Variants in DAAM1 observed in about 807,000 individuals in gnomAD.
The protein encoded by DAAM1 is disheveled-associated activator of morphogenesis 1.
DAAM1 carries 52 observed loss-of-function variants against 130.0 expected under a neutral mutation model. The ratio of observed to expected loss-of-function variants is 0.40; its 90% CI spans 0.32 to 0.50. DAAM1 has a LOEUF of 0.50. Ranked by LOEUF, DAAM1 falls within the 20% of genes least tolerant of loss-of-function variation. The pLI, the probability that DAAM1 is intolerant of heterozygous loss-of-function variation, is 0.61. For missense variants in DAAM1, 1,134 were observed against 1,303.8 expected (o/e 0.87, Z 2.01); for synonymous variants, 452 against 444.5 (o/e 1.02, Z -0.21).
At chr14:59,345,267 G>C (rs1185325431) in intron 16 of DAAM1, among the ~76,000 whole-genome samples, 1 of 152,184 alleles carries the variant, frequency 6.6e-6, no homozygotes, top group Non-Finnish European at 1.5e-5. Context: ...ATGTTCATGA[G>C]GCAATGATTG....
At chr14:59,257,529 G>A (rs948520344) in intron 1 of DAAM1, among the ~76,000 whole-genome samples, 5 of 152,144 alleles carry the variant, frequency 3.3e-5, no homozygotes, top group African/African-American at 4.8e-5. Context: ...GGAAGACACC[G>A]CAGGCTGAGG....
intron 16 of DAAM1, among the ~76,000 whole-genome samples, chr14:59,341,604 C>CA (rs910820653): frequency 2.0e-5 from 3 of 151,730 alleles, no homozygotes; most frequent in South Asian, 2.1e-4. Context: ...TATGTATAGA[C>CA]AAAAAAAACA....
chr14:59,352,561 C>T lies in DAAM1; in HGVS notation c.2196C>T (p.Asp732=). The stretch of plus-strand genomic sequence containing the variant: ...TTGTTCCTGAAAAAAGTGACATTGA[C>T]CTATTGGAGGAACATAAACACGAAC... The part of the protein sequence containing the change: ...LKFVPEKSDI[D]LLEEHKHELD... The change falls in exon 18 of 25, where the codon GAC becomes GAT. Residue 732 remains aspartate (D), a synonymous_variant. Transcript: ENST00000360909. The T allele has an allele frequency of 6.2e-7, 1 of 1,613,280 alleles. No individual in the cohort carries two copies. Among genetic ancestry groups the T allele is most frequent in the Non-Finnish European group, 8.5e-7 (1 of 1,179,686 alleles).
In DAAM1 at chr14:59,331,434, C is replaced by T. The variant is rs144149282; in HGVS notation, c.1786C>T (p.Leu596=). The change falls in exon 14 of 25, where the codon CTA becomes TTA. Residue 596 remains leucine, a synonymous_variant. Transcript: ENST00000360909. Reference sequence around the variant, plus strand: ...GCCACCTCCTGGTGCTCCAATGGGCCTAGCACTGAAGAAGAAAAGCATTCC... The same window carrying T: ...GCCACCTCCTGGTGCTCCAATGGGCTTAGCACTGAAGAAGAAAAGCATTCC... ...IMPPPGAPMG[L]ALKKKSIPQP... The T allele has an allele frequency of 1.0e-3, 1,651 of 1,613,922 alleles. 10 individuals are homozygous for T. In the African/African-American group the frequency reaches 0.017, roughly 17 times the overall value.
At chr14:59,292,913 A>G (rs1044300160) in intron 3 of DAAM1, among the ~76,000 whole-genome samples, 4 of 152,226 alleles carry the variant, frequency 2.6e-5, no homozygotes, top group East Asian at 1.9e-4. Context: ...TTTTTATTGA[A>G]CTGATTGTCA....
chr14:59,357,534 T>C (rs539175982), intron 20 of DAAM1, among the ~76,000 whole-genome samples: 4 of 152,252 alleles, frequency 2.6e-5, no homozygotes, highest in Admixed American at 2.0e-4. Context: ...ATCCCAGCAC[T>C]TTGGGAGGCC....
intron 1 of DAAM1, among the ~76,000 whole-genome samples, chr14:59,251,767 C>T (rs972164547): frequency 6.6e-6 from 1 of 152,180 alleles, no homozygotes; most frequent in Non-Finnish European, 1.5e-5. Flanking sequence ...CCATATGCCT[C>T]TTTTGAACAT....
At chr14:59,340,310 A>G (rs1885797018) in intron 16 of DAAM1, 130 bp downstream of exon 16, 5 of 785,732 alleles carry the variant, frequency 6.4e-6, no homozygotes, top group Non-Finnish European at 8.0e-6. Context: ...CCCTTCTGTT[A>G]AAATGAGAAC....
At chr14:59,261,064 A>G (rs1882138815) in intron 1 of DAAM1, among the ~76,000 whole-genome samples, 1 of 152,214 alleles carries the variant, frequency 6.6e-6, no homozygotes, top group Non-Finnish European at 1.5e-5. Context: ...CAGGGATATG[A>G]GAGCCAGGGC....
intron 1 of DAAM1, among the ~76,000 whole-genome samples, chr14:59,235,253 G>A (rs751942596): frequency 1.3e-5 from 2 of 152,168 alleles, no homozygotes; most frequent in Non-Finnish European, 2.9e-5. Context: ...GTAGAATTCA[G>A]CTGTGAATCC....
At chr14:59,336,202 G>A (rs1236742612) in intron 15 of DAAM1, among the ~76,000 whole-genome samples, 1 of 152,076 alleles carries the variant, frequency 6.6e-6, no homozygotes, top group Non-Finnish European at 1.5e-5. Context: ...TAAAAGTTAT[G>A]ATTATCTGTG....
At position 59,355,348 on chromosome 14, in the gene DAAM1, T is replaced by C. The variant is rs757250123; in HGVS notation, c.2525+15T>C. ...AGCATCGACAAGTAAGTATGAGATCTTCCAACACTTGGGGGAGCCAGGTGT... is the reference window on the plus strand; with the variant it reads ...AGCATCGACAAGTAAGTATGAGATCCTCCAACACTTGGGGGAGCCAGGTGT... On this transcript the variant is annotated intron_variant, in intron 20 of 24. Coordinates refer to ENST00000360909, the MANE Select transcript of DAAM1 (RefSeq NM_001270520.2). The C allele has an allele frequency of 1.2e-6, 2 of 1,613,504 alleles. No homozygotes were observed. The highest frequency in any genetic ancestry group is 1.3e-5 in the African/African-American group (1 of 75,014).
At chr14:59,340,259 T>A (rs1243148233) in intron 16 of DAAM1, 79 bp downstream of exon 16, 1 of 1,351,350 alleles carries the variant, frequency 7.4e-7, no homozygotes, top group African/African-American at 1.4e-5. Context: ...GTTAGTGATT[T>A]TGTTTTAATT....
chr14:59,350,487 T>C (rs964035108), intron 17 of DAAM1, among the ~76,000 whole-genome samples: 1 of 150,926 alleles, frequency 6.6e-6, no homozygotes, highest in Admixed American at 6.6e-5. Context: ...ACACGTCTTA[T>C]GCACATGCCC....
chr14:59,325,610 C>A, intron 8 of DAAM1, 54 bp from the exon 9 acceptor site: 1 of 1,466,974 alleles, frequency 6.8e-7, no homozygotes, highest in South Asian at 1.2e-5. Context: ...CAGTCTTATG[C>A]ACCTGTGTTT....
chr14:59,257,390 G>A (rs1442065359), intron 1 of DAAM1, among the ~76,000 whole-genome samples: 1 of 140,816 alleles, frequency 7.1e-6, no homozygotes, highest in African/African-American at 2.7e-5. Context: ...AAAAAAAAAA[G>A]GCACTCAAAT....
intron 21 of DAAM1, 28 bp from the exon 22 acceptor site, chr14:59,360,774 A>G (rs1374935660): frequency 6.2e-7 from 1 of 1,607,428 alleles, no homozygotes; most frequent in East Asian, 2.2e-5. Flanking sequence ...TCACATGTTG[A>G]TTGCTAAAAC....
chr14:59,220,063 A>G (rs1406743642), intron 1 of DAAM1, among the ~76,000 whole-genome samples: 1 of 152,132 alleles, frequency 6.6e-6, no homozygotes, highest in Non-Finnish European at 1.5e-5. Flanking sequence ...TCACTGAACT[A>G]CAGTGAAAAG....
intron 1 of DAAM1, among the ~76,000 whole-genome samples, chr14:59,231,287 T>C (rs976984142): frequency 2.6e-5 from 4 of 152,188 alleles, no homozygotes; most frequent in African/African-American, 9.7e-5. Context: ...CATCTTATAT[T>C]TCCCCACCTT....
Sources: allele counts gnomAD v4.1 joint callset (sites outside exome capture counted in the v4.1 genomes callset), GRCh38; gene constraint gnomAD v4.1.1; transcripts MANE v1.5; gene names NCBI Gene and HGNC (gene_info 2026-07-23, HGNC 2026-07-21).